The following PROSER2 variants were observed in gnomAD, a reference collection of about 807,000 sequenced individuals.
PROSER2 encodes proline and serine-rich protein 2.
In PROSER2, 18 loss-of-function variants were observed where a neutral mutation model predicts 14.6. That is an observed-to-expected ratio of 1.23 (90% confidence interval 0.85 to 1.83). The LOEUF is 1.83. PROSER2 is among the 40% of genes most tolerant of loss of function. PROSER2 has a pLI of 0.00. For synonymous variants in PROSER2, 367 were observed against 286.4 expected (o/e 1.28, Z -2.84); for missense variants, 823 against 629.8 (o/e 1.31, Z -3.28).
chr10:11,827,687 T>TA (rs1833634966), intron 1 of PROSER2, among the ~76,000 whole-genome samples: 1 of 151,650 alleles, frequency 6.6e-6, no homozygotes, highest in Non-Finnish European at 1.5e-5. Context: ...AAGTCCTTTT[T>TA]TTTTTTTTTG....
In PROSER2 at chr10:11,852,148, G is replaced by A. The variant is rs527332003; in HGVS notation, c.71G>A (p.Arg24Gln). Residue 24 changes from arginine (R) to glutamine (Q), a missense_variant, in exon 2 of 4, where the codon CGA becomes CAA. Arg to Gln is a conservative substitution (Grantham distance 43). Coordinates refer to ENST00000277570, the MANE Select transcript of PROSER2 (RefSeq NM_153256.4). ...GACACGTCCCCCAGCTGCAGGCTCC[G>A]AGCCTTCAGCAGAGGCGGCAGCCTG... The part of the protein sequence containing the change: ...NSDTSPSCRL[R>Q]AFSRGGSLES... 1.4e-5 allele frequency: 23 copies of A among 1,613,322 alleles called. No homozygotes were observed. The East Asian group carries it at 1.8e-4, about 13-fold the overall frequency.
chr10:11,867,933 G>A (rs1001146927), intron 3 of PROSER2, among the ~76,000 whole-genome samples: 4 of 152,194 alleles, frequency 2.6e-5, no homozygotes, highest in African/African-American at 9.7e-5. Flanking sequence ...GCCCTGGTAA[G>A]GATAAAATAC....
chr10:11,845,315 C>T (rs909928625), intron 1 of PROSER2, among the ~76,000 whole-genome samples: 3 of 152,136 alleles, frequency 2.0e-5, no homozygotes, highest in African/African-American at 7.2e-5. Context: ...TTCCCCACAG[C>T]CTTTTAACTA....
Position 11,856,792 on chromosome 10 carries a change from C to A in PROSER2, c.138+4577C>A, listed in dbSNP as rs1834130602. ...TGGCTCATGGACTAAGAAGGCATGG[C>A]AAGCACTGGGGGGCTTCCCACGTGG... On this transcript the variant is annotated intron_variant, in intron 2 of 3. Coordinates refer to ENST00000277570, the MANE Select transcript of PROSER2 (RefSeq NM_153256.4). This position sits in a 1 kb window ranked among gnomAD's most constrained non-coding sequence, Gnocchi z 5.3. 6.6e-6 allele frequency among the ~76,000 whole-genome samples: 1 copy of A among 152,198 alleles called. No individual in the cohort carries two copies. The highest frequency in any genetic ancestry group is 2.4e-5 in the African/African-American group (1 of 41,446).
At position 11,829,835 on chromosome 10, in the gene PROSER2, ATTTTTTTTTTT is replaced by A. The variant is rs5783232; in HGVS notation, c.-82+6382_-82+6392del. On this transcript the variant is annotated intron_variant, in intron 1 of 3. Transcript: ENST00000277570. ...ATTTTCTTTTTTTTCTTTACTTCTG[ATTTTTTTTTTT>A]TTTTTTTTTTTTTTTTAGACCAAGT... 1.2e-4 allele frequency among the ~76,000 whole-genome samples: 8 copies of A among 66,276 alleles called. 1 individual carries two copies. The highest frequency in any genetic ancestry group is 7.4e-4 in the Admixed American group (3 of 4,040). 43.5% of individuals were successfully genotyped at this position (66,276 alleles called of 152,430 possible).
chr10:11,870,327 A>G lies in PROSER2; in HGVS notation c.1229A>G (p.Gln410Arg). The G allele has an allele frequency of 6.7e-7, 1 of 1,503,422 alleles. No homozygotes were observed. The highest frequency in any genetic ancestry group is 8.8e-7 in the Non-Finnish European group (1 of 1,130,152). The allele number at this position is 1,503,422 out of a possible 1,614,324, so 93.1% of individuals were successfully genotyped here. A position where few individuals can be genotyped will look rare whatever the true frequency, so the allele number is the denominator to read the frequency against. ...SLPRPQGITV[Q>R]FAGRGSSEEA... ...CCCCGGCCCCAGGGCATCACCGTGC[A>G]GTTCGCGGGCCGCGGCTCCTCGGAG... The change falls in exon 4 of 4, where the codon CAG becomes CGG. Residue 410 changes from glutamine (Q) to arginine (R), a missense_variant. Physicochemically the swap from Gln to Arg is conservative, Grantham distance 43. Coordinates refer to ENST00000277570, the MANE Select transcript of PROSER2 (RefSeq NM_153256.4).
Position 11,852,223 on chromosome 10 carries a change from A to G in PROSER2, c.138+8A>G, listed in dbSNP as rs2274164. On this transcript the variant is annotated splice_region_variant and intron_variant, in intron 2 of 3. Coordinates refer to ENST00000277570, the MANE Select transcript of PROSER2 (RefSeq NM_153256.4). The stretch of plus-strand genomic sequence containing the variant: ...TCCAGAAGCTTCACTTTGGTGAGTG[A>G]CAGTTTTTCTTTCATGCTTTCCTGT... The G allele has an allele frequency of 1.9e-3, 2,322 of 1,193,952 alleles. 46 individuals carry two copies. The East Asian group carries it at 0.046, about 24-fold the overall frequency. The allele number at this position is 1,193,952 out of a possible 1,614,324, so 74.0% of individuals were successfully genotyped here. A position where few individuals can be genotyped will look rare whatever the true frequency, so the allele number is the denominator to read the frequency against.
In PROSER2 at chr10:11,846,385, G is replaced by A. The variant is rs74655732; in HGVS notation, c.-81-5612G>A. Among the ~76,000 whole-genome samples the A allele has an allele frequency of 9.8e-3, 1,496 of 152,212 alleles. 23 individuals are homozygous for A. Among genetic ancestry groups the A allele is most frequent in the African/African-American group, 0.034 (1,428 of 41,518 alleles). ...GACATAAACCTTCTCAACCTGTGTT[G>A]GGTCTCTTAACCTCTCATTGGTTTT... On this transcript the variant is annotated intron_variant, in intron 1 of 3. Transcript: ENST00000277570.
At chr10:11,863,481 C>T (rs751115390) in intron 2 of PROSER2, among the ~76,000 whole-genome samples, 35 of 151,396 alleles carry the variant, frequency 2.3e-4, no homozygotes, top group South Asian at 1.5e-3. Flanking sequence ...GAGGTTACAG[C>T]GAGTCAGGAT....
rs1270208866 is a variant in PROSER2, at chr10:11,837,478, C to T, written c.-82+14008C>T. ...CCACTGAGGGTCTTGGAACATACCCCCTCAGAGAAGGGAGAACTGCAGCAA... is the reference window on the plus strand; with the variant it reads ...CCACTGAGGGTCTTGGAACATACCCTCTCAGAGAAGGGAGAACTGCAGCAA... On this transcript the variant is annotated intron_variant, in intron 1 of 3. Transcript: ENST00000277570. The surrounding 1 kb of genome is among the most constrained non-coding windows in gnomAD (Gnocchi z 4.6). Among the ~76,000 whole-genome samples, 1 of 152,170 alleles carries T rather than the reference C, an allele frequency of 6.6e-6. No individual in the cohort carries two copies. Among genetic ancestry groups the T allele is most frequent in the Non-Finnish European group, 1.5e-5 (1 of 68,030 alleles).
Position 11,869,691 on chromosome 10 carries a change from C to T in PROSER2, c.593C>T (p.Ala198Val), listed in dbSNP as rs774774878. 3 of 1,598,052 alleles carry T rather than the reference C, an allele frequency of 1.9e-6. No individual in the cohort carries two copies. Among genetic ancestry groups the T allele is most frequent in the Admixed American group, 3.4e-5 (2 of 58,222 alleles). Reference protein sequence around the residue: ...LRSVPTPLVMAQKISERMAGN... With the variant: ...LRSVPTPLVMVQKISERMAGN... ...TCTGTTCCCACGCCCCTCGTTATGG[C>T]GCAGAAGATTTCCGAGAGGATGGCG... The change falls in exon 4 of 4, where the codon GCG becomes GTG. Residue 198 changes from alanine to valine, a missense_variant. Transcript: ENST00000277570. The surrounding 1 kb of genome is among the most constrained non-coding windows in gnomAD (Gnocchi z 4.4).
chr10:11,854,784 A>T (rs1344492322), intron 2 of PROSER2, among the ~76,000 whole-genome samples: 1 of 152,156 alleles, frequency 6.6e-6, no homozygotes, highest in African/African-American at 2.4e-5. Flanking sequence ...ATTTTCACAG[A>T]GCCGCACTTA....
intron 2 of PROSER2, among the ~76,000 whole-genome samples, chr10:11,859,195 G>A (rs1834187378): frequency 6.6e-6 from 1 of 152,028 alleles, no homozygotes; most frequent in South Asian, 2.1e-4. Flanking sequence ...GCTGAGGCGG[G>A]TAGATCATTT....
In PROSER2 at chr10:11,823,719, G is replaced by A. The variant is rs1480327937; in HGVS notation, c.-82+249G>A. On this transcript the variant is annotated intron_variant, in intron 1 of 3. Transcript: ENST00000277570. This position sits in a 1 kb window ranked among gnomAD's most constrained non-coding sequence, Gnocchi z 6.2. ...GGGGACCTCGGAGTCGGGGCGCGGC[G>A]GGGAGCGCGCTGGGTTCCGAGTCTG... Among the ~76,000 whole-genome samples the A allele has an allele frequency of 3.9e-5, 6 of 152,182 alleles. No homozygotes were observed. The highest frequency in any genetic ancestry group is 1.4e-4 in the African/African-American group (6 of 41,452).
chr10:11,869,733 C>A lies in PROSER2; in HGVS notation c.635C>A (p.Ser212Ter). 6.3e-7 allele frequency: 1 copy of A among 1,588,666 alleles called. No homozygotes were observed. Among genetic ancestry groups the A allele is most frequent in the East Asian group, 2.3e-5 (1 of 43,340 alleles). ...AGGATGGCGGGGAACGAAGCCCTCT[C>A]GCCCACCTCCCCGTTCAGGGAGGGC... ...SERMAGNEAL[S>*]PTSPFREGRP... is the part of the protein sequence containing the mutation. The change falls in exon 4 of 4, where the codon TCG becomes TAG. Residue 212 changes from serine (S) to a stop codon, truncating the protein, a stop_gained. Coordinates refer to ENST00000277570, the MANE Select transcript of PROSER2 (RefSeq NM_153256.4). LOFTEE classifies it low-confidence loss of function (END_TRUNC). This position sits in a 1 kb window ranked among gnomAD's most constrained non-coding sequence, Gnocchi z 4.4.
At position 11,869,826 on chromosome 10, in the gene PROSER2, G is replaced by T; in HGVS notation, c.728G>T (p.Ser243Ile). Residue 243 changes from serine (S) to isoleucine (I), a missense_variant, in exon 4 of 4, where the codon AGC becomes ATC. Coordinates refer to ENST00000277570, the MANE Select transcript of PROSER2 (RefSeq NM_153256.4). This position sits in a 1 kb window ranked among gnomAD's most constrained non-coding sequence, Gnocchi z 4.4. ...AGTGGAGACCCTGGCCCGGGGCCCA[G>T]CCACCCGGCGCAGCCCAAGGCACCC... Reference protein sequence around the residue: ...PRSGDPGPGPSHPAQPKAPRF... With the variant: ...PRSGDPGPGPIHPAQPKAPRF... 1 of 1,570,776 alleles carries T rather than the reference G, an allele frequency of 6.4e-7. No individual in the cohort carries two copies.
In PROSER2 at chr10:11,870,081, G is replaced by C; in HGVS notation, c.983G>C (p.Ser328Thr). ...CGGGGCCTGCCGGGCCCCGCTGAGA[G>C]TCTCCGGGCAGGGGGTCAGGCTCCG... Reference protein sequence around the residue: ...RGRGLPGPAESLRAGGQAPRG... With the variant: ...RGRGLPGPAETLRAGGQAPRG... Residue 328 changes from serine (S) to threonine (T), a missense_variant, in exon 4 of 4, where the codon AGT becomes ACT. Coordinates refer to ENST00000277570, the MANE Select transcript of PROSER2 (RefSeq NM_153256.4). The C allele has an allele frequency of 1.6e-6, 2 of 1,283,120 alleles. No homozygotes were observed. The highest frequency in any genetic ancestry group is 2.0e-6 in the Non-Finnish European group (2 of 1,015,590). The allele number at this position is 1,283,120 out of a possible 1,614,324, so 79.5% of individuals were successfully genotyped here. A position where few individuals can be genotyped will look rare whatever the true frequency, so the allele number is the denominator to read the frequency against.
intron 1 of PROSER2, among the ~76,000 whole-genome samples, chr10:11,843,658 T>A (rs561620780): frequency 1.4e-5 from 2 of 142,680 alleles, no homozygotes; most frequent in African/African-American, 5.3e-5. Flanking sequence ...TGCCTTCCAA[T>A]CTGGACGACA....
At chr10:11,835,937 T>C (rs1412106773) in intron 1 of PROSER2, among the ~76,000 whole-genome samples, 2 of 152,084 alleles carry the variant, frequency 1.3e-5, no homozygotes, top group Non-Finnish European at 2.9e-5. Context: ...CGTGAAACGC[T>C]CTCATTCATG....
Sources: allele counts gnomAD v4.1 joint callset (sites outside exome capture counted in the v4.1 genomes callset), GRCh38; gene constraint gnomAD v4.1.1; non-coding constraint Gnocchi (gnomAD v3.1); transcripts MANE v1.5; gene names NCBI Gene and HGNC (gene_info 2026-07-23, HGNC 2026-07-21).